ARHGEF26: variants seen among roughly 807,000 people sequenced by gnomAD.
The protein encoded by ARHGEF26 is Rho guanine nucleotide exchange factor 26, also known as Rho guanine nucleotide exchange factor (GEF) 26.
A neutral mutation model predicts 89.4 loss-of-function variants in ARHGEF26; 59 were observed. The ratio of observed to expected loss-of-function variants is 0.66; its 90% CI spans 0.54 to 0.82. The LOEUF (loss-of-function observed/expected upper bound fraction) is 0.82. Among genes scored for constraint, ARHGEF26 ranks in the 40% least tolerant of loss-of-function variants. ARHGEF26 has a pLI of 0.00. For synonymous variants in ARHGEF26, 500 were observed against 428.4 expected (o/e 1.17, Z -2.06); for missense variants, 1,234 against 1,085.6 (o/e 1.14, Z -1.92).
chr3:154,215,539 C>T (rs965378324), intron 9 of ARHGEF26, among the ~76,000 whole-genome samples: 1 of 151,276 alleles, frequency 6.6e-6, no homozygotes, highest in Non-Finnish European at 1.5e-5. Context: ...ATATTTTTGT[C>T]TTAATTCAAG....
intron 2 of ARHGEF26, 81 bp downstream of exon 2, chr3:154,123,156 G>A (rs566005297): frequency 3.5e-4 from 537 of 1,542,122 alleles, no homozygotes; most frequent in Admixed American, 1.1e-3. Flanking sequence ...GAGCGTAGAG[G>A]AAACCCGAAG....
intron 6 of ARHGEF26, among the ~76,000 whole-genome samples, chr3:154,184,003 C>G (rs1295774402): frequency 1.4e-5 from 2 of 145,138 alleles, no homozygotes; most frequent in Admixed American, 7.0e-5. Context: ...GACGGAGTCT[C>G]GCTCTGTCGC....
chr3:154,226,070 A>T (rs758004593), intron 11 of ARHGEF26, 60 bp downstream of exon 11: 6 of 1,484,186 alleles, frequency 4.0e-6, no homozygotes, highest in Non-Finnish European at 9.1e-7. Flanking sequence ...TGTAATTCAG[A>T]TGCCTGTTAG....
At chr3:154,217,304 C>G (rs1012752731) in intron 9 of ARHGEF26, among the ~76,000 whole-genome samples, 1 of 151,524 alleles carries the variant, frequency 6.6e-6, no homozygotes, top group Non-Finnish European at 1.5e-5. Flanking sequence ...AGCATTTTTT[C>G]ATGTGTTTTT....
chr3:154,129,638 A>G lies in ARHGEF26; in HGVS notation c.1188A>G (p.Ser396=). 6.2e-7 allele frequency: 1 copy of G among 1,611,702 alleles called. No homozygotes were observed. Among genetic ancestry groups the G allele is most frequent in the Non-Finnish European group, 8.5e-7 (1 of 1,178,824 alleles). The change falls in exon 4 of 15, where the codon TCA becomes TCG. Residue 396 remains serine (S), a synonymous_variant. Coordinates refer to ENST00000465093, the MANE Select transcript of ARHGEF26 (RefSeq NM_015595.4). ...KALDIDSDEE[S]EPKEQKSDEK... ...TTGACATTGATTCTGATGAAGAGTC[A>G]GAGCCCAAAGAACAGAAGTCAGATG...
chr3:154,187,061 T>G (rs1339616361), intron 6 of ARHGEF26: 1 of 162,056 alleles, frequency 6.2e-6, no homozygotes, highest in Admixed American at 6.6e-5. Context: ...CTGTCTAATT[T>G]TTGTATTTTT....
intron 6 of ARHGEF26, among the ~76,000 whole-genome samples, chr3:154,168,397 C>T (rs950920492): frequency 6.6e-6 from 1 of 151,962 alleles, no homozygotes; most frequent in African/African-American, 2.4e-5. Flanking sequence ...GGCAACATGG[C>T]GAAACCCTGT....
At chr3:154,189,039 A>G (rs1406569134) in intron 7 of ARHGEF26, among the ~76,000 whole-genome samples, 1 of 152,148 alleles carries the variant, frequency 6.6e-6, no homozygotes, top group African/African-American at 2.4e-5. Context: ...CCCTGAGGGT[A>G]AAACCACACC....
At position 154,175,290 on chromosome 3, in the gene ARHGEF26, G is replaced by A. The variant is rs542196058; in HGVS notation, c.1488-12395G>A. ...GTACCTGTAACTCAGTGTGGAAGCT[G>A]CATATTGTAGGCTATTTCTACTGTT... is the stretch of plus-strand genomic sequence containing the variant. On this transcript the variant is annotated intron_variant, in intron 6 of 14. Transcript: ENST00000465093. 1.2e-4 allele frequency among the ~76,000 whole-genome samples: 18 copies of A among 152,264 alleles called. No homozygotes were observed. In the East Asian group the frequency reaches 3.5e-3, roughly 29 times the overall value.
At chr3:154,206,862 A>G (rs1005963790) in intron 9 of ARHGEF26, among the ~76,000 whole-genome samples, 1 of 152,234 alleles carries the variant, frequency 6.6e-6, no homozygotes, top group African/African-American at 2.4e-5. Context: ...ACTTCAAACT[A>G]TACTACAGGG....
At chr3:154,175,838 G>C (rs907850499) in intron 6 of ARHGEF26, among the ~76,000 whole-genome samples, 1 of 152,182 alleles carries the variant, frequency 6.6e-6, no homozygotes, top group African/African-American at 2.4e-5. Flanking sequence ...TCTAAGGAAA[G>C]CACTTGGAAA....
chr3:154,216,467 C>T (rs1333565479), intron 9 of ARHGEF26, among the ~76,000 whole-genome samples: 1 of 139,890 alleles, frequency 7.1e-6, no homozygotes, highest in Admixed American at 7.1e-5. Context: ...AGACTTCCCT[C>T]TTCAGCACTT....
chr3:154,218,004 C>T (rs1715887859), intron 10 of ARHGEF26, 46 bp downstream of exon 10: 2 of 1,495,602 alleles, frequency 1.3e-6, no homozygotes, highest in African/African-American at 1.4e-5. Context: ...ATGTTTTTCT[C>T]TAAATAGAGA....
In ARHGEF26 at chr3:154,219,393, G is replaced by T. The variant is rs556770991; in HGVS notation, c.1935+1435G>T. Among the ~76,000 whole-genome samples the T allele has an allele frequency of 1.0e-3, 154 of 152,070 alleles. 1 individual carries two copies. The highest frequency in any genetic ancestry group is 1.3e-3 in the Non-Finnish European group (85 of 67,986). The stretch of plus-strand genomic sequence containing the variant: ...GTGAATCACCTGGGGTCAGGAGTTC[G>T]AGAGCAGCCTGACCAACGTGATGAA... On this transcript the variant is annotated intron_variant, in intron 10 of 14. Transcript: ENST00000465093.
chr3:154,253,127 C>G lies in ARHGEF26; in HGVS notation c.2312C>G (p.Ala771Gly). Reference sequence around the variant, plus strand: ...GCCCTCTGTTTTAGGAGCGAGCGAGCCCGCTGGATAACTGCCCTGGGACAC... The same window carrying G: ...GCCCTCTGTTTTAGGAGCGAGCGAGGCCGCTGGATAACTGCCCTGGGACAC... ...LLGAETQSER[A>G]RWITALGHSS... The change falls in exon 13 of 15, where the codon GCC becomes GGC. Residue 771 changes from alanine (A) to glycine (G), a missense_variant. Physicochemically the swap from Ala to Gly is moderately conservative, Grantham distance 60. Coordinates refer to ENST00000465093, the MANE Select transcript of ARHGEF26 (RefSeq NM_015595.4). 3.1e-6 allele frequency: 5 copies of G among 1,614,014 alleles called. No homozygotes were observed. Among genetic ancestry groups the G allele is most frequent in the Non-Finnish European group, 4.2e-6 (5 of 1,179,892 alleles).
chr3:154,153,885 A>C (rs1027444453), intron 6 of ARHGEF26, among the ~76,000 whole-genome samples: 1 of 152,100 alleles, frequency 6.6e-6, no homozygotes, highest in Non-Finnish European at 1.5e-5. Flanking sequence ...GCATGTCTGC[A>C]CATTAAAACT....
chr3:154,178,399 C>T (rs945231291), intron 6 of ARHGEF26, among the ~76,000 whole-genome samples: 2 of 152,060 alleles, frequency 1.3e-5, no homozygotes, highest in African/African-American at 4.8e-5. Context: ...CTCCGCATTT[C>T]CCCCCACACT....
At chr3:154,206,638 C>T (rs1715036131) in intron 9 of ARHGEF26, among the ~76,000 whole-genome samples, 1 of 152,152 alleles carries the variant, frequency 6.6e-6, no homozygotes, top group African/African-American at 2.4e-5. Context: ...GAAAAACATT[C>T]CATGCTCATG....
rs761189840 is a variant in ARHGEF26 at position 154,122,867 on chromosome 3, C to T, written c.875C>T (p.Ala292Val). Residue 292 changes from alanine to valine, a missense_variant, in exon 2 of 15, where the codon GCA becomes GTA. Physicochemically the swap from Ala to Val is moderately conservative, Grantham distance 64 (BLOSUM62 0). Transcript: ENST00000465093. The part of the protein sequence containing the change: ...VEGLGGPLGH[A>V]GEESEVDNDV... The stretch of plus-strand genomic sequence containing the variant: ...GGCCTAGGAGGACCCCTGGGTCACG[C>T]AGGGGAGGAGAGTGAGGTCGATAAC... The T allele has an allele frequency of 1.9e-6, 3 of 1,612,864 alleles. No individual in the cohort carries two copies. In the South Asian group the frequency reaches 3.3e-5, roughly 18 times the overall value.
Sources: gnomAD v4.1 joint callset for allele counts (sites outside exome capture counted in the v4.1 genomes callset) on GRCh38, gnomAD v4.1.1 for gene constraint, MANE v1.5 for transcripts, NCBI Gene and HGNC (gene_info 2026-07-23, HGNC 2026-07-21) for gene names.